ADAMTS2: variants seen among roughly 807,000 people sequenced by gnomAD.
ADAMTS2 encodes the protein ADAM metallopeptidase with thrombospondin type 1 motif 2.
Under a neutral mutation model 123.0 loss-of-function variants are expected in ADAMTS2, and 50 were observed. The ratio of observed to expected loss-of-function variants is 0.41; its 90% CI spans 0.32 to 0.51. The LOEUF (loss-of-function observed/expected upper bound fraction) is 0.51. ADAMTS2 is among the 20% of genes least tolerant of loss of function. The probability of loss-of-function intolerance (pLI) is 0.35; values close to 1 mark genes in which losing one functional copy is unlikely to be tolerated. For synonymous variants in ADAMTS2, 678 were observed against 695.4 expected (o/e 0.98, Z 0.39); for missense variants, 1,494 against 1,705.2 (o/e 0.88, Z 2.18).
At chr5:179,212,883 C>T (rs981778424) in intron 3 of ADAMTS2, among the ~76,000 whole-genome samples, 3 of 152,064 alleles carry the variant, frequency 2.0e-5, no homozygotes, top group Non-Finnish European at 4.4e-5. Flanking sequence ...GAAGCTCAGT[C>T]CTATGCCTTT....
intron 2 of ADAMTS2, among the ~76,000 whole-genome samples, chr5:179,309,895 C>T (rs916475720): frequency 2.0e-5 from 3 of 152,146 alleles, no homozygotes; most frequent in Non-Finnish European, 4.4e-5. Context: ...GGGTTTGCCT[C>T]AGGGCAGGGC....
intron 2 of ADAMTS2, among the ~76,000 whole-genome samples, chr5:179,286,483 G>C (rs1462017657): frequency 6.6e-6 from 1 of 152,114 alleles, no homozygotes; most frequent in African/African-American, 2.4e-5. Context: ...ATGTCTGGGA[G>C]TTGCCAACAT....
chr5:179,279,244 G>A (rs1766826216), intron 2 of ADAMTS2, among the ~76,000 whole-genome samples: 1 of 152,128 alleles, frequency 6.6e-6, no homozygotes, highest in Non-Finnish European at 1.5e-5. Flanking sequence ...CAAAGCATAG[G>A]AAGCACACAG....
At chr5:179,184,024 C>G (rs76473051) in intron 4 of ADAMTS2, among the ~76,000 whole-genome samples, 2,025 of 152,256 alleles carry the variant, frequency 0.013, 39 homozygotes, top group African/African-American at 0.046. Context: ...AATTCCCAGT[C>G]TTCAGAACTG....
intron 10 of ADAMTS2, among the ~76,000 whole-genome samples, chr5:179,140,581 G>A (rs1370229684): frequency 1.3e-5 from 2 of 152,174 alleles, no homozygotes; most frequent in Non-Finnish European, 2.9e-5. Context: ...TCCTCTAGGG[G>A]GAGGAAGCGT....
chr5:179,265,863 C>G (rs1028815468), intron 3 of ADAMTS2, among the ~76,000 whole-genome samples: 1 of 152,242 alleles, frequency 6.6e-6, no homozygotes, highest in Non-Finnish European at 1.5e-5. Context: ...CAGTGCTTCT[C>G]CCTGGGTTTC....
intron 3 of ADAMTS2, 90 bp from the exon 4 acceptor site, chr5:179,207,805 A>G: frequency 1.7e-6 from 2 of 1,147,344 alleles, no homozygotes; most frequent in Non-Finnish European, 2.6e-6. Context: ...CTCTCATTTA[A>G]AACTCATAGC....
At chr5:179,235,512 T>C (rs1009443091) in intron 3 of ADAMTS2, among the ~76,000 whole-genome samples, 3 of 152,180 alleles carry the variant, frequency 2.0e-5, no homozygotes, top group Non-Finnish European at 4.4e-5. Flanking sequence ...CGAGGGGCCC[T>C]TAAAGAAACT....
intron 13 of ADAMTS2, among the ~76,000 whole-genome samples, chr5:179,133,485 G>A (rs1469739394): frequency 6.6e-6 from 1 of 151,856 alleles, no homozygotes; most frequent in African/African-American, 2.4e-5. Flanking sequence ...GGCCAGACTG[G>A]TCTTGAACTC....
In ADAMTS2 at chr5:179,175,012, C is replaced by T. The variant is rs1406721327; in HGVS notation, c.975+6060G>A. The stretch of plus-strand genomic sequence containing the variant: ...CATGTTCCTTTGGAGGAAGTCTCTT[C>T]CTTGCTTGGGTTCCGCAGCTGTCTC... On this transcript the variant is annotated intron_variant, in intron 5 of 21. Coordinates refer to ENST00000251582, the MANE Select transcript of ADAMTS2 (RefSeq NM_014244.5). This position sits in a 1 kb window ranked among gnomAD's most constrained non-coding sequence, Gnocchi z 4.1. 6.8e-6 allele frequency among the ~76,000 whole-genome samples: 1 copy of T among 147,118 alleles called. No individual in the cohort carries two copies. Among genetic ancestry groups the T allele is most frequent in the Non-Finnish European group, 1.5e-5 (1 of 66,552 alleles).
intron 3 of ADAMTS2, among the ~76,000 whole-genome samples, chr5:179,265,146 CCGGT>C (rs1301383146): frequency 6.6e-6 from 1 of 152,234 alleles, no homozygotes; most frequent in Non-Finnish European, 1.5e-5. Flanking sequence ...GAACCACTGG[CCGGT>C]CTTCCAGAAC....
At chr5:179,288,112 G>C (rs1053364698) in intron 2 of ADAMTS2, among the ~76,000 whole-genome samples, 1 of 152,200 alleles carries the variant, frequency 6.6e-6, no homozygotes, top group Non-Finnish European at 1.5e-5. Context: ...TCCATCACAG[G>C]CTGTCATCTC....
At chr5:179,320,863 G>A (rs1757148499) in intron 2 of ADAMTS2, among the ~76,000 whole-genome samples, 1 of 152,194 alleles carries the variant, frequency 6.6e-6, no homozygotes, top group South Asian at 2.1e-4. Context: ...GTTGCCCTGT[G>A]AGGAGGTAAT....
chr5:179,137,667 C>T (rs544427862), intron 12 of ADAMTS2, 102 bp downstream of exon 12: 17 of 1,468,336 alleles, frequency 1.2e-5, no homozygotes, highest in East Asian at 1.0e-4. Context: ...CCCAGGGTCG[C>T]GGCAGCCTTG....
At chr5:179,127,856 G>A (rs1306011911) in intron 17 of ADAMTS2, 103 bp downstream of exon 17, 6 of 1,509,062 alleles carry the variant, frequency 4.0e-6, no homozygotes, top group Non-Finnish European at 3.6e-6. Context: ...CCCTGCTGTG[G>A]CTCCTCGGCC....
intron 10 of ADAMTS2, among the ~76,000 whole-genome samples, chr5:179,151,917 A>G (rs973273918): frequency 3.9e-5 from 6 of 152,166 alleles, no homozygotes; most frequent in African/African-American, 1.2e-4. Flanking sequence ...AAGCACCATG[A>G]GGAACTCTCA....
rs1431195463 is a variant in ADAMTS2, at chr5:179,202,526, C to T, written c.891+4987G>A. On this transcript the variant is annotated intron_variant, in intron 4 of 21. Transcript: ENST00000251582. The surrounding 1 kb of genome is among the most constrained non-coding windows in gnomAD (Gnocchi z 4.0). ...TTTCACTTCAGTATCGTCTGTGCCT[C>T]CCTTCCCAGAATGCAAGGTAGCAGG... Among the ~76,000 whole-genome samples the T allele has an allele frequency of 6.6e-6, 1 of 152,186 alleles. No homozygotes were observed. Among genetic ancestry groups the T allele is most frequent in the Non-Finnish European group, 1.5e-5 (1 of 68,032 alleles).
chr5:179,259,657 A>C (rs941943565), intron 3 of ADAMTS2, among the ~76,000 whole-genome samples: 5 of 152,214 alleles, frequency 3.3e-5, no homozygotes, highest in African/African-American at 1.2e-4. Context: ...CATTCCTGAT[A>C]CCGGGTCTGT....
rs377046059 is a variant in ADAMTS2 at position 179,295,855 on chromosome 5, G to A, written c.535-22791C>T. 7.2e-5 allele frequency among the ~76,000 whole-genome samples: 11 copies of A among 152,308 alleles called. No individual in the cohort carries two copies. In the East Asian group the frequency reaches 7.7e-4, roughly 11 times the overall value. On this transcript the variant is annotated intron_variant, in intron 2 of 21. Transcript: ENST00000251582. Reference sequence around the variant, plus strand: ...GTCCTCAAAAGCCCTTCCATATTCCGCTGAAACCACTAGTGGGGCCTGTGC... The same window carrying A: ...GTCCTCAAAAGCCCTTCCATATTCCACTGAAACCACTAGTGGGGCCTGTGC...
Sources: allele counts gnomAD v4.1 joint callset (sites outside exome capture counted in the v4.1 genomes callset), GRCh38; gene constraint gnomAD v4.1.1; non-coding constraint Gnocchi (gnomAD v3.1); transcripts MANE v1.5; gene names NCBI Gene and HGNC (gene_info 2026-07-23, HGNC 2026-07-21).